Variants in KLK4 observed in about 807,000 individuals in gnomAD.
The protein encoded by KLK4 is kallikrein-4.
KLK4 carries 24 observed loss-of-function variants against 24.3 expected under a neutral mutation model. The observed-to-expected ratio is 0.99, with a 90% CI of 0.72 to 1.39. KLK4 has a LOEUF of 1.39. Ranked by LOEUF, KLK4 falls within the 40% of genes most tolerant of loss-of-function variation. KLK4 has a pLI of 0.00. For missense variants in KLK4, 344 were observed against 327.4 expected (o/e 1.05, Z -0.39); for synonymous variants, 142 against 138.8 (o/e 1.02, Z -0.16).
In KLK4 at chr19:50,908,406, TG is replaced by T; in HGVS notation, c.564del (p.Ser189AlafsTer23). ...TGCCCTCCGCCGGCGCAGAACATGC[TG>T]GGGTGGTACAGCGGGTCATAGAGCT... On this transcript the variant is annotated frameshift_variant, in exon 5 of 6. Coordinates refer to ENST00000324041, the Ensembl canonical transcript of KLK4. LOFTEE classifies it low-confidence loss of function (END_TRUNC). 6.2e-7 allele frequency: 1 copy of T among 1,614,070 alleles called. No homozygotes were observed. The highest frequency in any genetic ancestry group is 8.5e-7 in the Non-Finnish European group (1 of 1,180,030).
chr19:50,908,173 C>G (rs1417581594), intron 5 of KLK4, 186 bp downstream of exon 5: 1 of 728,738 alleles, frequency 1.4e-6, no homozygotes, highest in Non-Finnish European at 2.3e-6. Context: ...TTCTGTTTCT[C>G]TCTTCCTTTG....
chr19:50,910,883 C>G lies in KLK4; in HGVS notation c.-11-134G>C, dbSNP rs1264908796. 1.3e-5 allele frequency: 10 copies of G among 745,970 alleles called. No homozygotes were observed. In the South Asian group the frequency reaches 1.5e-4, roughly 11 times the overall value. 46.2% of individuals were successfully genotyped at this position (745,970 alleles called of 1,614,324 possible). On this transcript the variant is annotated intron_variant, in intron 1 of 5. Coordinates refer to ENST00000324041, the Ensembl canonical transcript of KLK4. The surrounding 1 kb of genome is among the most constrained non-coding windows in gnomAD (Gnocchi z 4.4). ...CAAGAGCCTAGACCATCTACCCCCT[C>G]TCCCATCCATGGACCCAGAACCTAG...
chr19:50,908,447 T>G, exon 5 of KLK4: 1 of 1,613,966 alleles, frequency 6.2e-7, no homozygotes, highest in Non-Finnish European at 8.5e-7. Context: ...GCAGACCTCC[T>G]CAGACACCAC....
At chr19:50,907,016 C>T (rs757896183) in exon 6 of KLK4, 1 of 1,614,172 alleles carries the variant, frequency 6.2e-7, no homozygotes, top group East Asian at 2.2e-5. Context: ...AACTTGGCCA[C>T]ACGGGGCTTT....
At chr19:50,906,971 A>T (rs1314115585) in exon 6 of KLK4, 3 of 1,614,190 alleles carry the variant, frequency 1.9e-6, no homozygotes, top group Admixed American at 3.3e-5. Context: ...CCACTCAGTG[A>T]ATTTGCAGAG....
intron 5 of KLK4, 169 bp downstream of exon 5, chr19:50,908,190 T>G (rs1284456802): frequency 2.5e-6 from 2 of 809,252 alleles, no homozygotes; most frequent in African/African-American, 3.4e-5. Flanking sequence ...TTTGCTTCTC[T>G]TTATTCCTGT....
Position 50,910,342 on chromosome 19 carries a change from C to T in KLK4, c.61+336G>A, listed in dbSNP as rs547040597. On this transcript the variant is annotated intron_variant, in intron 2 of 5. Transcript: ENST00000324041. The surrounding 1 kb of genome is among the most constrained non-coding windows in gnomAD (Gnocchi z 4.4). ...AAGACCCAGGAAGCAGGCACAGATT[C>T]CCAGCAATGGATCACGCCCCAGGAA... Among the ~76,000 whole-genome samples the T allele has an allele frequency of 2.0e-5, 3 of 152,138 alleles. No individual in the cohort carries two copies. Among genetic ancestry groups the T allele is most frequent in the African/African-American group, 7.2e-5 (3 of 41,498 alleles).
At chr19:50,908,197 C>T in intron 5 of KLK4, 162 bp downstream of exon 5, 2 of 839,152 alleles carry the variant, frequency 2.4e-6, no homozygotes, top group South Asian at 1.5e-5. Context: ...CTCTTTATTC[C>T]TGTGTTTATT....
chr19:50,909,040 G>C (rs2090461983), intron 3 of KLK4: 4 of 1,478,468 alleles, frequency 2.7e-6, no homozygotes, highest in Middle Eastern at 2.5e-4. Flanking sequence ...TCAGCACTGG[G>C]CTGAGATTTC....
chr19:50,909,527 C>T lies in KLK4; in HGVS notation c.62-113G>A, dbSNP rs1259910954. 10 of 1,098,904 alleles carry T rather than the reference C, an allele frequency of 9.1e-6. No homozygotes were observed. The Admixed American group carries it at 1.1e-4, about 12-fold the overall frequency. The allele number at this position is 1,098,904 out of a possible 1,614,324, so 68.1% of individuals were successfully genotyped here. A position where few individuals can be genotyped will look rare whatever the true frequency, so the allele number is the denominator to read the frequency against. ...AGGTTCAGGAGCAGTCAGGGCTCCTCGGGGCGGAGTCAGGGCTGGGAACGG... is the reference window on the plus strand; with the variant it reads ...AGGTTCAGGAGCAGTCAGGGCTCCTTGGGGCGGAGTCAGGGCTGGGAACGG... On this transcript the variant is annotated intron_variant, in intron 2 of 5. Transcript: ENST00000324041.
rs1405799148 is a variant in KLK4 at position 50,908,868 on chromosome 19, A to G, written c.225-39T>C. On this transcript the variant is annotated intron_variant, in intron 3 of 5. Coordinates refer to ENST00000324041, the Ensembl canonical transcript of KLK4. The stretch of plus-strand genomic sequence containing the variant: ...AGGGCAGGTCAGTTTTGTGGCAACT[A>G]CATCCTTACCTCCATTCTCATCTTC... The G allele has an allele frequency of 1.9e-6, 3 of 1,604,706 alleles. No homozygotes were observed. The African/African-American group carries it at 4.0e-5, about 21-fold the overall frequency.
At chr19:50,906,521 G>A (rs1462726342) in exon 6 of KLK4, 1 of 300,662 alleles carries the variant, frequency 3.3e-6, no homozygotes, top group Non-Finnish European at 6.3e-6. Context: ...TGGACCTCTG[G>A]GTCTGGGGAA....
At position 50,906,996 on chromosome 19, in the gene KLK4, CTGGCACGCCAACT is replaced by C. The variant is rs2090437091; in HGVS notation, c.690_702del (p.Gly232SerfsTer12). 1 of 1,614,062 alleles carries C rather than the reference CTGGCACGCCAACT, an allele frequency of 6.2e-7. No individual in the cohort carries two copies. The highest frequency in any genetic ancestry group is 1.7e-5 in the Admixed American group (1 of 60,008). On this transcript the variant is annotated frameshift_variant, in exon 6 of 6. Coordinates refer to ENST00000324041, the Ensembl canonical transcript of KLK4. LOFTEE classifies it low-confidence loss of function (END_TRUNC). ...AATTTGCAGAGGTTGGTGTAGACAC[CTGGCACGCCAACT>C]TGGCCACACGGGGCTTTTCCGAAAG...
chr19:50,908,728 T>C, exon 4 of KLK4: 3 of 1,614,206 alleles, frequency 1.9e-6, no homozygotes, highest in Non-Finnish European at 2.5e-6. Flanking sequence ...CAAGGGTCTG[T>C]TGTACTCTGG....
exon 6 of KLK4, chr19:50,906,873 C>A: frequency 6.2e-7 from 1 of 1,603,462 alleles, no homozygotes; most frequent in Non-Finnish European, 8.5e-7. Context: ...AACAGATATT[C>A]CTGAATTCCT....
At chr19:50,908,929 C>T in intron 3 of KLK4, 100 bp from the exon 4 acceptor site, 1 of 1,553,788 alleles carries the variant, frequency 6.4e-7, no homozygotes, top group Non-Finnish European at 8.6e-7. Context: ...AACCCCAACC[C>T]CACCCTCTTC....
In KLK4 at chr19:50,909,417, G is replaced by A. The variant is rs1322641805; in HGVS notation, c.62-3C>T. The A allele has an allele frequency of 6.2e-7, 1 of 1,614,004 alleles. No homozygotes were observed. ...GCAGCTACCAGAGACGAGCGATCCTGAGGGCGGAGTCAGGGATGGGATCGG... is the reference window on the plus strand; with the variant it reads ...GCAGCTACCAGAGACGAGCGATCCTAAGGGCGGAGTCAGGGATGGGATCGG... On this transcript the variant is annotated splice_polypyrimidine_tract_variant and splice_region_variant and intron_variant, in intron 2 of 5. Transcript: ENST00000324041.
intron 5 of KLK4, 50 bp from the exon 6 acceptor site, chr19:50,907,136 A>C (rs1600043382): frequency 1.3e-6 from 2 of 1,593,268 alleles, no homozygotes. Context: ...AGAGGTGGAA[A>C]TGGATGTGGG....
At chr19:50,907,740 C>A (rs527979739) in intron 5 of KLK4, among the ~76,000 whole-genome samples, 3 of 152,136 alleles carry the variant, frequency 2.0e-5, no homozygotes, top group African/African-American at 7.2e-5. Flanking sequence ...TGTTTCTCTT[C>A]GTGTTTCACC....
Sources: gnomAD v4.1 joint callset for allele counts (sites outside exome capture counted in the v4.1 genomes callset) on GRCh38, gnomAD v4.1.1 for gene constraint, Gnocchi (gnomAD v3.1) non-coding constraint, MANE v1.5 for transcripts, NCBI Gene and HGNC (gene_info 2026-07-23, HGNC 2026-07-21) for gene names.